Variants in TMEM108 observed in about 807,000 individuals in gnomAD.
The protein encoded by TMEM108 is transmembrane protein 108.
In TMEM108, 12 loss-of-function variants were observed where a neutral mutation model predicts 35.1. The ratio of observed to expected loss-of-function variants is 0.34; its 90% CI spans 0.22 to 0.55. The LOEUF (loss-of-function observed/expected upper bound fraction) is 0.55, where lower values mean the gene tolerates loss of function less well. Among genes scored for constraint, TMEM108 ranks in the 20% least tolerant of loss-of-function variants. The pLI, the probability that TMEM108 is intolerant of heterozygous loss-of-function variation, is 0.89. For synonymous variants in TMEM108, 287 were observed against 308.6 expected (o/e 0.93, Z 0.73); for missense variants, 680 against 753.3 (o/e 0.90, Z 1.14).
intron 2 of TMEM108, among the ~76,000 whole-genome samples, chr3:133,176,012 G>T (rs146720402): frequency 6.6e-6 from 1 of 152,088 alleles, no homozygotes; most frequent in Non-Finnish European, 1.5e-5. Context: ...AAAAGGCAGC[G>T]GTTGCAATCC....
intron 2 of TMEM108, among the ~76,000 whole-genome samples, chr3:133,133,964 CTTG>C (rs1162600807): frequency 3.3e-5 from 5 of 151,942 alleles, no homozygotes; most frequent in African/African-American, 1.2e-4. Flanking sequence ...GGGGTTTCAC[CTTG>C]TTAGCCAGGT....
At chr3:133,120,094 T>C (rs1944334525) in intron 2 of TMEM108, among the ~76,000 whole-genome samples, 1 of 152,242 alleles carries the variant, frequency 6.6e-6, no homozygotes, top group Non-Finnish European at 1.5e-5. Flanking sequence ...TTTAGATTTC[T>C]GTAATTGCAT....
intron 2 of TMEM108, among the ~76,000 whole-genome samples, chr3:133,147,338 T>A (rs1944736054): frequency 6.6e-6 from 1 of 152,190 alleles, no homozygotes; most frequent in Admixed American, 6.5e-5. Flanking sequence ...TTTGTTATGA[T>A]TTTCGTTATT....
At chr3:133,249,969 G>A (rs964657250) in intron 3 of TMEM108, among the ~76,000 whole-genome samples, 2 of 152,178 alleles carry the variant, frequency 1.3e-5, no homozygotes, top group Admixed American at 1.3e-4. Context: ...AAGAGAAAGG[G>A]TCTCACTATG....
At chr3:133,345,293 A>C (rs775858390) in intron 3 of TMEM108, among the ~76,000 whole-genome samples, 33 of 151,940 alleles carry the variant, frequency 2.2e-4, no homozygotes, top group Non-Finnish European at 7.4e-5. Context: ...AATATAGATC[A>C]TGAGGTCTAA....
chr3:133,163,869 C>T (rs1944997040), intron 2 of TMEM108, among the ~76,000 whole-genome samples: 1 of 152,194 alleles, frequency 6.6e-6, no homozygotes, highest in South Asian at 2.1e-4. Context: ...AAGTTTCCCA[C>T]AGCTTAGGCT....
At chr3:133,057,900 T>A (rs886712745) in intron 2 of TMEM108, among the ~76,000 whole-genome samples, 1 of 152,150 alleles carries the variant, frequency 6.6e-6, no homozygotes, top group Non-Finnish European at 1.5e-5. Flanking sequence ...TTTGAGTGAA[T>A]TTTAGGTAGA....
chr3:133,249,231 G>A (rs1469257142), intron 3 of TMEM108, among the ~76,000 whole-genome samples: 1 of 152,154 alleles, frequency 6.6e-6, no homozygotes, highest in Non-Finnish European at 1.5e-5. Context: ...GACAGTAATG[G>A]GACAGCCCCA....
intron 2 of TMEM108, among the ~76,000 whole-genome samples, chr3:133,173,799 A>G (rs1945166723): frequency 6.6e-6 from 1 of 152,318 alleles, no homozygotes; most frequent in South Asian, 2.1e-4. Flanking sequence ...TGCATATCCA[A>G]CTGAGGTACC....
At chr3:133,102,026 T>A (rs144130403) in intron 2 of TMEM108, among the ~76,000 whole-genome samples, 78 of 152,354 alleles carry the variant, frequency 5.1e-4, no homozygotes, top group African/African-American at 1.9e-3. Flanking sequence ...AAGTACTAAG[T>A]CTTTTGATTC....
chr3:133,360,763 G>A (rs2072322898), intron 3 of TMEM108, among the ~76,000 whole-genome samples: 1 of 152,184 alleles, frequency 6.6e-6, no homozygotes, highest in Non-Finnish European at 1.5e-5. Flanking sequence ...ACCACCTGGT[G>A]AAAATGTAAG....
intron 3 of TMEM108, among the ~76,000 whole-genome samples, chr3:133,326,258 C>T (rs2071332181): frequency 6.6e-6 from 1 of 152,176 alleles, no homozygotes; most frequent in Admixed American, 6.5e-5. Context: ...ACTAGTGCCC[C>T]TTCCTGCCCT....
intron 3 of TMEM108, among the ~76,000 whole-genome samples, chr3:133,351,918 A>G (rs958673061): frequency 2.0e-5 from 3 of 152,272 alleles, no homozygotes; most frequent in African/African-American, 7.2e-5. Flanking sequence ...TTCACATTAT[A>G]TCCACTTGGG....
At chr3:133,130,292 A>G (rs572488656) in intron 2 of TMEM108, among the ~76,000 whole-genome samples, 2 of 152,312 alleles carry the variant, frequency 1.3e-5, no homozygotes, top group African/African-American at 4.8e-5. Context: ...AATGTCAGCA[A>G]CAACCATGTG....
intron 2 of TMEM108, among the ~76,000 whole-genome samples, chr3:133,071,763 A>C (rs1025137206): frequency 2.6e-5 from 4 of 152,052 alleles, no homozygotes; most frequent in African/African-American, 9.7e-5. Flanking sequence ...ATAATTTTCA[A>C]ATATTTTATC....
intron 2 of TMEM108, among the ~76,000 whole-genome samples, chr3:133,129,261 T>C (rs1185934896): frequency 6.6e-6 from 1 of 151,696 alleles, no homozygotes; most frequent in Non-Finnish European, 1.5e-5. Flanking sequence ...AAGAATCGCT[T>C]CAATCTGGGA....
intron 2 of TMEM108, among the ~76,000 whole-genome samples, chr3:133,151,708 G>A (rs1295004935): frequency 2.6e-5 from 4 of 152,078 alleles, no homozygotes; most frequent in African/African-American, 9.7e-5. Context: ...TTCATTGACA[G>A]ATCTTACTTT....
At chr3:133,078,995 A>G (rs1426556426) in intron 2 of TMEM108, among the ~76,000 whole-genome samples, 3 of 152,246 alleles carry the variant, frequency 2.0e-5, no homozygotes, top group Admixed American at 2.0e-4. Flanking sequence ...TAAATTGAGA[A>G]GAGAAGACAA....
chr3:133,221,737 A>C (rs1945996249), intron 2 of TMEM108, among the ~76,000 whole-genome samples: 1 of 144,746 alleles, frequency 6.9e-6, no homozygotes, highest in Non-Finnish European at 1.5e-5. Flanking sequence ...TGAGGCTTAC[A>C]TAAAGCAACT....
Sources: gnomAD v4.1 joint callset for allele counts (sites outside exome capture counted in the v4.1 genomes callset) on GRCh38, gnomAD v4.1.1 for gene constraint, MANE v1.5 for transcripts, NCBI Gene and HGNC (gene_info 2026-07-23, HGNC 2026-07-21) for gene names.